The following USP12 variants were observed in gnomAD, a reference collection of about 807,000 sequenced individuals.
USP12 encodes the protein ubiquitin carboxyl-terminal hydrolase 12.
In USP12, 19 loss-of-function variants were observed where a neutral mutation model predicts 45.5. The ratio of observed to expected loss-of-function variants is 0.42; its 90% confidence interval spans 0.29 to 0.61. The LOEUF is 0.61. Ranked by LOEUF, USP12 falls within the 20% of genes least tolerant of loss-of-function variation. USP12 has a pLI of 0.22. For missense variants in USP12, 242 were observed against 447.7 expected (o/e 0.54, Z 4.15); for synonymous variants, 149 against 148.8 (o/e 1.00, Z -0.01).
chr13:27,169,887 T>C (rs927633545), intron 1 of USP12, among the ~76,000 whole-genome samples: 3 of 152,218 alleles, frequency 2.0e-5, no homozygotes, highest in Non-Finnish European at 2.9e-5. Flanking sequence ...ATACTTGATA[T>C]ACAGTACTTG....
In USP12 at chr13:27,066,752, T is replaced by C. The variant is rs921403333; in HGVS notation, c.*2531A>G. 4 of 152,218 alleles carry C rather than the reference T, an allele frequency of 2.6e-5. No homozygotes were observed. Among genetic ancestry groups the C allele is most frequent in the Non-Finnish European group, 5.9e-5 (4 of 68,034 alleles). 9.4% of individuals were successfully genotyped at this position (152,218 alleles called of 1,614,324 possible). A position where few individuals can be genotyped will look rare whatever the true frequency, so the allele number is the denominator to read the frequency against. On this transcript the variant is annotated 3_prime_UTR_variant, in exon 9 of 9. Transcript: ENST00000282344. ...ACAGCCATCCCAACAATCATGTACA[T>C]AGTTACACGGCAATCAGCCACCACT...
chr13:27,127,278 A>G (rs1876286040), intron 1 of USP12, among the ~76,000 whole-genome samples: 1 of 152,244 alleles, frequency 6.6e-6, no homozygotes, highest in South Asian at 2.1e-4. Context: ...TACACATGGC[A>G]GAAGCTTGCA....
At chr13:27,146,247 C>G (rs994341076) in intron 1 of USP12, among the ~76,000 whole-genome samples, 1 of 152,024 alleles carries the variant, frequency 6.6e-6, no homozygotes, top group South Asian at 2.1e-4. Flanking sequence ...ACTAAAAATA[C>G]AAAAATTAGC....
At position 27,170,971 on chromosome 13, in the gene USP12, G is replaced by A. The variant is rs76027794; in HGVS notation, c.48+621C>T. Among the ~76,000 whole-genome samples, 126 of 152,302 alleles carry A rather than the reference G, an allele frequency of 8.3e-4. 1 individual carries two copies. The East Asian group carries it at 0.022, about 26-fold the overall frequency. Reference sequence around the variant, plus strand: ...CACACGCCCCTTTCCCCCAGCGCGGGGTCGGGGACTCGGCCCAGCCAGCGG... The same window carrying A: ...CACACGCCCCTTTCCCCCAGCGCGGAGTCGGGGACTCGGCCCAGCCAGCGG... On this transcript the variant is annotated intron_variant, in intron 1 of 8. Transcript: ENST00000282344.
rs1873041223 is a variant in USP12, at chr13:27,067,297, C to T, written c.*1986G>A. On this transcript the variant is annotated 3_prime_UTR_variant, in exon 9 of 9. Coordinates refer to ENST00000282344, the MANE Select transcript of USP12 (RefSeq NM_182488.4). ...CTCTGTACCGAAAGCTGCAGAAATA[C>T]AGCTTTAATTCCAAGACAATTTGGT... The T allele has an allele frequency of 6.6e-6, 1 of 152,130 alleles. No individual in the cohort carries two copies. Among genetic ancestry groups the T allele is most frequent in the South Asian group, 2.1e-4 (1 of 4,826 alleles). The allele number at this position is 152,130 out of a possible 1,614,324, so 9.4% of individuals were successfully genotyped here. A position where few individuals can be genotyped will look rare whatever the true frequency, so the allele number is the denominator to read the frequency against.
intron 1 of USP12, among the ~76,000 whole-genome samples, chr13:27,163,953 G>A (rs1452603115): frequency 2.6e-5 from 4 of 151,946 alleles, no homozygotes; most frequent in Non-Finnish European, 4.4e-5. Context: ...CACTGAATGG[G>A]AAGTTCCATA....
At chr13:27,074,512 C>T (rs1335216534) in intron 7 of USP12, among the ~76,000 whole-genome samples, 1 of 151,980 alleles carries the variant, frequency 6.6e-6, no homozygotes, top group Admixed American at 6.6e-5. Flanking sequence ...TTTCCCAAAA[C>T]CAAGGGGAAA....
At chr13:27,163,054 C>G (rs1397906140) in intron 1 of USP12, 1 of 152,044 alleles carries the variant, frequency 6.6e-6, no homozygotes, top group Non-Finnish European at 1.5e-5. Flanking sequence ...TCCTTGTACC[C>G]CATCCATCTT....
At chr13:27,071,028 A>G (rs1432360488) in intron 8 of USP12, 43 bp downstream of exon 8, 2 of 1,501,206 alleles carry the variant, frequency 1.3e-6, no homozygotes, top group Admixed American at 3.9e-5. Flanking sequence ...AAAGCAACAT[A>G]TGCATACAAC....
intron 3 of USP12, among the ~76,000 whole-genome samples, chr13:27,097,042 T>C (rs1227350144): frequency 2.0e-5 from 3 of 150,522 alleles, no homozygotes; most frequent in Non-Finnish European, 4.4e-5. Context: ...TTTCAACATA[T>C]AAAAGCAAAT....
At chr13:27,137,923 G>A (rs1176916187) in intron 1 of USP12, among the ~76,000 whole-genome samples, 1 of 152,268 alleles carries the variant, frequency 6.6e-6, no homozygotes, top group Non-Finnish European at 1.5e-5. Context: ...GGAACCGTAG[G>A]CGGCCTCTCA....
intron 6 of USP12, among the ~76,000 whole-genome samples, chr13:27,084,708 G>A (rs1190929614): frequency 6.6e-6 from 1 of 152,080 alleles, no homozygotes; most frequent in African/African-American, 2.4e-5. Context: ...GCCTGTATAT[G>A]TATGGTTTTA....
intron 6 of USP12, among the ~76,000 whole-genome samples, chr13:27,087,251 ATGTGTGTGTGTGTGTGTG>A (rs55816785): frequency 1.5e-4 from 21 of 144,044 alleles, no homozygotes; most frequent in Middle Eastern, 3.5e-3. Flanking sequence ...GTGGGGAGGG[ATGTGTGTGTGTGTGTGTG>A]TGTGTGTGTG....
intron 1 of USP12, among the ~76,000 whole-genome samples, chr13:27,151,933 T>C (rs1181454579): frequency 6.6e-6 from 1 of 151,862 alleles, no homozygotes; most frequent in Non-Finnish European, 1.5e-5. Context: ...GAAATGCAAA[T>C]CAAAACCACA....
chr13:27,077,861 G>C (rs1873562381), intron 6 of USP12: 1 of 152,018 alleles, frequency 6.6e-6, no homozygotes. Context: ...TCAAACTTGT[G>C]GGGAGGGAGG....
chr13:27,131,758 A>C (rs1876512963), intron 1 of USP12, among the ~76,000 whole-genome samples: 1 of 152,244 alleles, frequency 6.6e-6, no homozygotes, highest in Admixed American at 6.5e-5. Context: ...AAGAGGGTGT[A>C]AAACTCAAAG....
chr13:27,107,999 G>A (rs1875226675), intron 2 of USP12, among the ~76,000 whole-genome samples: 1 of 152,036 alleles, frequency 6.6e-6, no homozygotes, highest in Non-Finnish European at 1.5e-5. Flanking sequence ...TCTAGAACTA[G>A]AAATACCATT....
chr13:27,128,728 C>T (rs916535778), intron 1 of USP12, among the ~76,000 whole-genome samples: 2 of 152,202 alleles, frequency 1.3e-5, no homozygotes, highest in Admixed American at 6.5e-5. Flanking sequence ...TGCCACCCTG[C>T]GTACCCTTCA....
intron 1 of USP12, among the ~76,000 whole-genome samples, chr13:27,144,999 C>T (rs914124762): frequency 3.3e-5 from 5 of 152,112 alleles, no homozygotes; most frequent in African/African-American, 9.7e-5. Context: ...CCCAGGATGT[C>T]GAGGCTGCAG....
Sources: allele counts gnomAD v4.1 joint callset (sites outside exome capture counted in the v4.1 genomes callset), GRCh38; gene constraint gnomAD v4.1.1; transcripts MANE v1.5; gene names NCBI Gene and HGNC (gene_info 2026-07-23, HGNC 2026-07-21).